CNBD1: variants seen among roughly 807,000 people sequenced by gnomAD.
CNBD1 encodes the protein cyclic nucleotide-binding domain-containing protein 1.
A neutral mutation model predicts 54.4 loss-of-function variants in CNBD1; 71 were observed. The ratio of observed to expected loss-of-function variants is 1.30; its 90% confidence interval spans 1.08 to 1.59. The LOEUF (loss-of-function observed/expected upper bound fraction) is 1.59, where lower values mean the gene tolerates loss of function less well. Ranked by LOEUF, CNBD1 falls within the 40% of genes most tolerant of loss-of-function variation. CNBD1 has a pLI of 0.00. For missense variants in CNBD1, 659 were observed against 518.0 expected (o/e 1.27, Z -2.64); for synonymous variants, 182 against 170.7 (o/e 1.07, Z -0.51).
intron 4 of CNBD1, among the ~76,000 whole-genome samples, chr8:87,032,154 A>G (rs1401238110): frequency 5.3e-5 from 8 of 152,190 alleles, no homozygotes; most frequent in Non-Finnish European, 7.3e-5. Flanking sequence ...AATGGTATGG[A>G]TCTTGCCTAA....
intron 6 of CNBD1, among the ~76,000 whole-genome samples, chr8:87,249,740 T>C (rs1239195336): frequency 1.3e-5 from 2 of 152,196 alleles, no homozygotes; most frequent in Non-Finnish European, 2.9e-5. Context: ...ATTGAGCAGA[T>C]GAATATGTTT....
At chr8:87,113,000 G>A (rs1811695771) in intron 4 of CNBD1, among the ~76,000 whole-genome samples, 1 of 152,158 alleles carries the variant, frequency 6.6e-6, no homozygotes, top group Admixed American at 6.5e-5. Context: ...CTCAAGAGAA[G>A]TACAGTTCAA....
chr8:87,419,881 C>T (rs1034877981), intron 2 of CNBD1, among the ~76,000 whole-genome samples: 1 of 150,996 alleles, frequency 6.6e-6, no homozygotes, highest in African/African-American at 2.4e-5. Context: ...CCATGGTAAA[C>T]TTTATATTGA....
intron 2 of CNBD1, among the ~76,000 whole-genome samples, chr8:87,425,642 G>T (rs1282871354): frequency 2.0e-5 from 3 of 152,102 alleles, no homozygotes; most frequent in Non-Finnish European, 4.4e-5. Flanking sequence ...GGGGTCAGGG[G>T]TCAGGGACCC....
Position 87,257,985 on chromosome 8 carries a change from T to C in CNBD1, c.771+20873T>C, listed in dbSNP as rs574954678. Among the ~76,000 whole-genome samples, 12 of 152,272 alleles carry C rather than the reference T, an allele frequency of 7.9e-5. No individual in the cohort carries two copies. In the East Asian group the frequency reaches 2.1e-3, roughly 27 times the overall value. Reference sequence around the variant, plus strand: ...TTAGAATTTTAGAAATCCCATACAATTTTGAAACATATCTTAATATCATTC... The same window carrying C: ...TTAGAATTTTAGAAATCCCATACAACTTTGAAACATATCTTAATATCATTC... On this transcript the variant is annotated intron_variant, in intron 6 of 10. Transcript: ENST00000518476.
intron 9 of CNBD1, among the ~76,000 whole-genome samples, chr8:87,352,740 T>C (rs894276173): frequency 1.3e-5 from 2 of 152,164 alleles, no homozygotes; most frequent in African/African-American, 2.4e-5. Context: ...ATAATTACTG[T>C]GGTAGAAAAG....
At chr8:87,114,837 T>C (rs1489279638) in intron 4 of CNBD1, among the ~76,000 whole-genome samples, 12 of 152,234 alleles carry the variant, frequency 7.9e-5, no homozygotes, top group Admixed American at 7.9e-4. Context: ...CTTGTGTCTC[T>C]TTGACACAAG....
chr8:87,407,406 T>C (rs10089576), intron 2 of CNBD1, among the ~76,000 whole-genome samples: 19,263 of 151,974 alleles, frequency 0.13, 1,614 homozygotes, highest in Middle Eastern at 0.19. Flanking sequence ...TATTGATGGA[T>C]ATTGGTGGTG....
rs561200383 is a variant in CNBD1, at chr8:87,412,176, C to T, written c.214-16370C>T. ...ATGCTGTTCTCCTTCATTTTGTCTG[C>T]TTAAGGCAAACTTGGAAAATGCTAA... On this transcript the variant is annotated intron_variant, in intron 2 of 7. Transcript: ENST00000521593. Among the ~76,000 whole-genome samples the T allele has an allele frequency of 2.6e-5, 4 of 152,054 alleles. No homozygotes were observed. The East Asian group carries it at 7.8e-4, about 30-fold the overall frequency.
chr8:87,149,441 T>G (rs1466543907), intron 4 of CNBD1, among the ~76,000 whole-genome samples: 2 of 152,160 alleles, frequency 1.3e-5, no homozygotes, highest in Non-Finnish European at 2.9e-5. Context: ...AATAGGAAGG[T>G]GATGTTAAAT....
intron 6 of CNBD1, among the ~76,000 whole-genome samples, chr8:87,267,522 C>A (rs1180824672): frequency 6.6e-6 from 1 of 152,020 alleles, no homozygotes; most frequent in Non-Finnish European, 1.5e-5. Flanking sequence ...GAAATCGTAT[C>A]CATAGTCATA....
chr8:87,331,535 A>G (rs758925104), intron 8 of CNBD1, among the ~76,000 whole-genome samples: 4 of 152,130 alleles, frequency 2.6e-5, no homozygotes, highest in African/African-American at 4.8e-5. Context: ...GTGTGCATGT[A>G]TCTTTATAAT....
chr8:86,884,966 C>T (rs959939619), intron 1 of CNBD1, among the ~76,000 whole-genome samples: 2 of 152,138 alleles, frequency 1.3e-5, no homozygotes, highest in Non-Finnish European at 2.9e-5. Flanking sequence ...GCTATGCTGT[C>T]CATCTCTTTC....
intron 3 of CNBD1, among the ~76,000 whole-genome samples, chr8:86,907,661 T>C (rs995162702): frequency 2.0e-5 from 3 of 150,628 alleles, no homozygotes; most frequent in African/African-American, 7.3e-5. Flanking sequence ...AGCATGACTC[T>C]ATCTAAAAAA....
chr8:87,042,265 G>A (rs1810088695), intron 4 of CNBD1, among the ~76,000 whole-genome samples: 1 of 152,106 alleles, frequency 6.6e-6, no homozygotes, highest in African/African-American at 2.4e-5. Context: ...AAATTGCTTT[G>A]ACCATGGAAT....
chr8:87,329,611 A>G (rs1454551151), intron 8 of CNBD1, among the ~76,000 whole-genome samples: 1 of 152,066 alleles, frequency 6.6e-6, no homozygotes, highest in Non-Finnish European at 1.5e-5. Context: ...ATACAGAAAT[A>G]CATTTTGTTA....
intron 4 of CNBD1, among the ~76,000 whole-genome samples, chr8:87,050,966 T>C (rs1810299232): frequency 6.6e-6 from 1 of 152,194 alleles, no homozygotes; most frequent in Non-Finnish European, 1.5e-5. Context: ...GTATAGCGAT[T>C]GTTCAGCCAA....
intron 4 of CNBD1, among the ~76,000 whole-genome samples, chr8:87,188,748 C>CAA (rs1166114088): frequency 2.2e-5 from 2 of 89,192 alleles, no homozygotes; most frequent in African/African-American, 4.3e-5. Flanking sequence ...GACTCCATCT[C>CAA]AAAAAAAAAA....
chr8:87,181,950 CATTGTGTGTTACT>C (rs531636819), intron 4 of CNBD1, among the ~76,000 whole-genome samples: 2 of 152,178 alleles, frequency 1.3e-5, no homozygotes, highest in Admixed American at 1.3e-4. Flanking sequence ...TCCATGAGTA[CATTGTGTGTTACT>C]AGCGTTTGTT....
Sources: allele counts gnomAD v4.1 joint callset (sites outside exome capture counted in the v4.1 genomes callset), GRCh38; gene constraint gnomAD v4.1.1; transcripts MANE v1.5; gene names NCBI Gene and HGNC (gene_info 2026-07-23, HGNC 2026-07-21).